ESR2: variants seen among roughly 807,000 people sequenced by gnomAD.
The protein encoded by ESR2 is estrogen receptor beta.
ESR2 carries 36 observed loss-of-function variants against 49.6 expected under a neutral mutation model. That is an observed-to-expected ratio of 0.73 (90% confidence interval 0.56 to 0.96). ESR2 has a LOEUF of 0.96. ESR2 is among the 40% of genes least tolerant of loss of function. The pLI is 0.00. For missense variants in ESR2, 714 were observed against 693.0 expected (o/e 1.03, Z -0.34); for synonymous variants, 320 against 266.1 (o/e 1.20, Z -1.97).
Position 64,247,956 on chromosome 14 carries a change from A to AGCATT in ESR2, c.1225+1585_1225+1589dup, listed in dbSNP as rs150284189. 7.9e-5 allele frequency among the ~76,000 whole-genome samples: 12 copies of AGCATT among 152,346 alleles called. No individual in the cohort carries two copies. The East Asian group carries it at 2.3e-3, about 29-fold the overall frequency. ...CCTAGTTGACCCAGAATGGTTTCAC[A>AGCATT]GCATTTTGAAAAGAAAAACAAAAAT... is the stretch of plus-strand genomic sequence containing the variant. On this transcript the variant is annotated intron_variant, in intron 7 of 8. Coordinates refer to ENST00000341099, the MANE Select transcript of ESR2 (RefSeq NM_001437.3).
chr14:64,276,400 GAAACCA>G (rs1323230382), intron 3 of ESR2, among the ~76,000 whole-genome samples: 1 of 152,162 alleles, frequency 6.6e-6, no homozygotes, highest in East Asian at 1.9e-4. Flanking sequence ...GAAGCAAATT[GAAACCA>G]AAAGATACTA....
chr14:64,333,557 T>C (rs1214743044), intron 1 of ESR2, among the ~76,000 whole-genome samples: 1 of 152,134 alleles, frequency 6.6e-6, no homozygotes, highest in Non-Finnish European at 1.5e-5. Context: ...AAATAAAAAG[T>C]TTAATGGACT....
At chr14:64,280,251 T>C in intron 2 of ESR2, 98 bp from the exon 3 acceptor site, 5 of 863,606 alleles carry the variant, frequency 5.8e-6, no homozygotes, top group Non-Finnish European at 9.3e-6. Context: ...TAATTTAATC[T>C]CTTTTTCCTC....
intron 1 of ESR2, among the ~76,000 whole-genome samples, chr14:64,304,837 C>T (rs994616341): frequency 1.3e-5 from 2 of 152,046 alleles, no homozygotes; most frequent in Non-Finnish European, 2.9e-5. Flanking sequence ...GATTGTTCCA[C>T]TGCACTCTAG....
chr14:64,286,967 T>C (rs2076794149), intron 1 of ESR2, among the ~76,000 whole-genome samples: 1 of 152,088 alleles, frequency 6.6e-6, no homozygotes, highest in South Asian at 2.1e-4. Flanking sequence ...TCTGCCCGCC[T>C]TAGCCTCCCA....
intron 7 of ESR2, among the ~76,000 whole-genome samples, chr14:64,246,745 A>AAAAC (rs1567739284): frequency 7.0e-6 from 1 of 142,326 alleles, no homozygotes; most frequent in Non-Finnish European, 1.5e-5. Flanking sequence ...AAAAAAAAAA[A>AAAAC]AAAAAAAAAA....
intron 7 of ESR2, among the ~76,000 whole-genome samples, chr14:64,245,832 C>T (rs1458863067): frequency 6.6e-6 from 1 of 152,220 alleles, no homozygotes; most frequent in Admixed American, 6.5e-5. Flanking sequence ...TTCCGAGAAG[C>T]ACTTTCCTGC....
intron 1 of ESR2, among the ~76,000 whole-genome samples, chr14:64,323,984 C>G (rs1279028868): frequency 6.6e-6 from 1 of 152,114 alleles, no homozygotes; most frequent in Non-Finnish European, 1.5e-5. Flanking sequence ...GAGCCACTGC[C>G]CCCAGCCAGT....
chr14:64,243,194 ATGGTGG>A (rs920585784), intron 7 of ESR2, among the ~76,000 whole-genome samples: 1 of 152,194 alleles, frequency 6.6e-6, no homozygotes, highest in Non-Finnish European at 1.5e-5. Context: ...AGAATTCCAG[ATGGTGG>A]TGGGGCCACC....
At chr14:64,254,722 T>C (rs2076062430) in intron 6 of ESR2, among the ~76,000 whole-genome samples, 2 of 151,708 alleles carry the variant, frequency 1.3e-5, no homozygotes, top group Non-Finnish European at 2.9e-5. Flanking sequence ...CATGCCATCG[T>C]ATTCCAGCCT....
chr14:64,254,927 A>G (rs1313282058), intron 6 of ESR2, among the ~76,000 whole-genome samples: 2 of 152,148 alleles, frequency 1.3e-5, no homozygotes, highest in Non-Finnish European at 2.9e-5. Flanking sequence ...GTTTTACAAC[A>G]TAATACTTTC....
chr14:64,333,273 C>T (rs959735641), intron 1 of ESR2, among the ~76,000 whole-genome samples: 3 of 152,042 alleles, frequency 2.0e-5, no homozygotes, highest in African/African-American at 4.8e-5. Flanking sequence ...GAATTTTCTA[C>T]CTTAGTTTTA....
chr14:64,263,526 G>A (rs1006134888), intron 4 of ESR2, among the ~76,000 whole-genome samples: 1 of 152,058 alleles, frequency 6.6e-6, no homozygotes, highest in Non-Finnish European at 1.5e-5. Context: ...GCATGGTGGT[G>A]CATTCCTGTA....
intron 4 of ESR2, among the ~76,000 whole-genome samples, chr14:64,265,962 A>C (rs2076320973): frequency 6.6e-6 from 1 of 152,210 alleles, no homozygotes. Flanking sequence ...GGAGAGAGAC[A>C]GAGTTAAGAA....
intron 1 of ESR2, among the ~76,000 whole-genome samples, chr14:64,308,110 G>A (rs2077132884): frequency 6.6e-6 from 1 of 151,980 alleles, no homozygotes; most frequent in Non-Finnish European, 1.5e-5. Flanking sequence ...AACCTCCCAG[G>A]CTCAAGCCAC....
intron 1 of ESR2, among the ~76,000 whole-genome samples, chr14:64,292,878 C>T (rs2076895137): frequency 6.6e-6 from 1 of 152,088 alleles, no homozygotes; most frequent in South Asian, 2.1e-4. Flanking sequence ...TATTCACATC[C>T]CTCAGAACAC....
At chr14:64,267,338 G>A (rs1421410217) in intron 4 of ESR2, among the ~76,000 whole-genome samples, 1 of 150,082 alleles carries the variant, frequency 6.7e-6, no homozygotes, top group Non-Finnish European at 1.5e-5. Context: ...GTGAAGCGGT[G>A]GGAATGGAAA....
At chr14:64,322,012 T>G (rs746834661) in intron 1 of ESR2, among the ~76,000 whole-genome samples, 1 of 152,126 alleles carries the variant, frequency 6.6e-6, no homozygotes, top group Non-Finnish European at 1.5e-5. Context: ...TATGCCCATG[T>G]AACAAACCTG....
At chr14:64,281,737 T>C (rs572489154) in intron 2 of ESR2, among the ~76,000 whole-genome samples, 2 of 152,338 alleles carry the variant, frequency 1.3e-5, no homozygotes, top group Admixed American at 1.3e-4. Flanking sequence ...TATGTTACCT[T>C]GCATTTAAAG....
Sources: allele counts gnomAD v4.1 joint callset (sites outside exome capture counted in the v4.1 genomes callset), GRCh38; gene constraint gnomAD v4.1.1; transcripts MANE v1.5; gene names NCBI Gene and HGNC (gene_info 2026-07-23, HGNC 2026-07-21).